TENM1: variants seen among roughly 807,000 people sequenced by gnomAD.
The protein encoded by TENM1 is teneurin transmembrane protein 1.
In TENM1, 35 loss-of-function variants were observed where a neutral mutation model predicts 174.8. The ratio of observed to expected loss-of-function variants is 0.20; its 90% CI spans 0.15 to 0.27. The LOEUF (loss-of-function observed/expected upper bound fraction) is 0.27. TENM1 is among the 10% of genes least tolerant of loss of function. The probability of loss-of-function intolerance (pLI) is 1.00; values close to 1 mark genes in which losing one functional copy is unlikely to be tolerated. For missense variants in TENM1, 1,633 were observed against 2,130.1 expected (o/e 0.77, Z 4.59); for synonymous variants, 781 against 798.7 (o/e 0.98, Z 0.37).
chrX:124,412,593 G>A, intron 25 of TENM1, among the ~76,000 whole-genome samples: 1 of 112,561 alleles, frequency 8.9e-6, no homozygotes, highest in South Asian at 3.7e-4. Flanking sequence ...ATGTCAGAAA[G>A]CTGACCAACC....
intron 3 of TENM1, among the ~76,000 whole-genome samples, chrX:124,765,929 G>A (rs1383540730): frequency 1.8e-5 from 2 of 111,662 alleles, no homozygotes; most frequent in East Asian, 2.8e-4. Context: ...ATACCGTCAC[G>A]GAAATTATTT....
the TENM1 span, among the ~76,000 whole-genome samples, chrX:125,002,335 G>A: frequency 9.0e-6 from 1 of 111,415 alleles, no homozygotes; most frequent in Non-Finnish European, 1.9e-5. Flanking sequence ...AGCTCCATAA[G>A]TATGTTTTTA....
At chrX:125,056,725 C>T in the TENM1 span, among the ~76,000 whole-genome samples, 1 of 111,673 alleles carries the variant, frequency 9.0e-6, no homozygotes, top group African/African-American at 3.3e-5. Flanking sequence ...CAAATGAACT[C>T]CAGCTCCGTA....
intron 23 of TENM1, among the ~76,000 whole-genome samples, chrX:124,452,923 A>C (rs945690096): frequency 1.1e-4 from 12 of 109,207 alleles, no homozygotes; most frequent in Non-Finnish European, 1.7e-4. Context: ...TGACAAGTTA[A>C]TGGGTGCAGC....
At chrX:124,721,407 T>C (rs1337800150) in intron 4 of TENM1, among the ~76,000 whole-genome samples, 2 of 112,143 alleles carry the variant, frequency 1.8e-5, no homozygotes, top group Non-Finnish European at 3.8e-5. Flanking sequence ...TAGATTCATA[T>C]TTAAGAATGA....
intron 1 of TENM1, among the ~76,000 whole-genome samples, chrX:124,911,739 T>C (rs2057839950): frequency 2.7e-5 from 3 of 111,629 alleles, no homozygotes; most frequent in South Asian, 3.8e-4. Flanking sequence ...TAAAGGGCCT[T>C]ATATACCATA....
At chrX:124,385,254 T>G (rs1486027908) in intron 29 of TENM1, among the ~76,000 whole-genome samples, 1 of 112,275 alleles carries the variant, frequency 8.9e-6, no homozygotes, top group African/African-American at 3.2e-5. Context: ...GATTTGGGCA[T>G]TCTATAAACC....
At chrX:124,807,881 ACACAC>A (rs1157314204) in intron 3 of TENM1, among the ~76,000 whole-genome samples, 4 of 13,722 alleles carry the variant, frequency 2.9e-4, no homozygotes, top group African/African-American at 6.3e-4. Flanking sequence ...AATCACTTAC[ACACAC>A]ACACACACAC....
chrX:124,921,953 T>C (rs773782661), intron 1 of TENM1, among the ~76,000 whole-genome samples: 1 of 112,151 alleles, frequency 8.9e-6, no homozygotes, highest in East Asian at 2.8e-4. Context: ...TTTAAGTCAA[T>C]CTGCCTTTCC....
the TENM1 span, among the ~76,000 whole-genome samples, chrX:125,152,666 A>G: frequency 8.9e-6 from 1 of 112,460 alleles, no homozygotes; most frequent in Non-Finnish European, 1.9e-5. Context: ...ATTGCCACAC[A>G]AAAGTATCTT....
intron 1 of TENM1, among the ~76,000 whole-genome samples, chrX:124,937,124 CA>C (rs1214994007): frequency 9.1e-6 from 1 of 110,140 alleles, no homozygotes; most frequent in East Asian, 2.9e-4. Context: ...TAAATACTGG[CA>C]AAAACCACTA....
At chrX:125,159,922 G>A in the TENM1 span, among the ~76,000 whole-genome samples, 3 of 111,687 alleles carry the variant, frequency 2.7e-5, no homozygotes, top group Non-Finnish European at 3.8e-5. Flanking sequence ...ATTGGAGGCA[G>A]GGCATGGTGG....
intron 7 of TENM1, among the ~76,000 whole-genome samples, chrX:124,653,285 C>G (rs1397849590): frequency 9.0e-6 from 1 of 111,483 alleles, no homozygotes; most frequent in East Asian, 2.8e-4. Flanking sequence ...GGCAGTAAAG[C>G]TAAGCAAGAT....
At chrX:124,860,459 C>A (rs1247567167) in intron 3 of TENM1, among the ~76,000 whole-genome samples, 2 of 112,009 alleles carry the variant, frequency 1.8e-5, no homozygotes, top group Admixed American at 1.9e-4. Flanking sequence ...AGTCTTTTCT[C>A]ATCCATATCA....
chrX:124,538,948 T>C (rs2048261853), intron 15 of TENM1, among the ~76,000 whole-genome samples: 1 of 111,867 alleles, frequency 8.9e-6, no homozygotes, highest in Non-Finnish European at 1.9e-5. Context: ...TATTTTTTTC[T>C]GTCATGCATG....
chrX:125,164,982 G>T, the TENM1 span, among the ~76,000 whole-genome samples: 1 of 111,688 alleles, frequency 9.0e-6, no homozygotes, highest in Non-Finnish European at 1.9e-5. Context: ...TTCATGACTA[G>T]AAAACATCCA....
chrX:124,746,911 T>C (rs1352937209), intron 3 of TENM1, among the ~76,000 whole-genome samples: 1 of 110,947 alleles, frequency 9.0e-6, no homozygotes, highest in Non-Finnish European at 1.9e-5. Flanking sequence ...GTGGATCACC[T>C]GAGGTCAGGA....
At chrX:124,909,560 T>G (rs1295333232) in intron 1 of TENM1, among the ~76,000 whole-genome samples, 1 of 112,438 alleles carries the variant, frequency 8.9e-6, no homozygotes, top group Non-Finnish European at 1.9e-5. Flanking sequence ...TATATGAGTT[T>G]AATGCATTTT....
At chrX:124,714,750 T>C (rs1603052736) in intron 4 of TENM1, among the ~76,000 whole-genome samples, 2 of 111,696 alleles carry the variant, frequency 1.8e-5, no homozygotes, top group African/African-American at 6.5e-5. Flanking sequence ...TAGAGATAAA[T>C]TGAAAGTAGG....
Sources: allele counts gnomAD v4.1 joint callset (sites outside exome capture counted in the v4.1 genomes callset), GRCh38; gene constraint gnomAD v4.1.1; transcripts MANE v1.5; gene names NCBI Gene and HGNC (gene_info 2026-07-23, HGNC 2026-07-21).